UPF2: variants seen among roughly 807,000 people sequenced by gnomAD.
The protein encoded by UPF2 is regulator of nonsense transcripts 2.
UPF2 carries 17 observed loss-of-function variants against 141.4 expected under a neutral mutation model. The ratio of observed to expected loss-of-function variants is 0.12; its 90% CI spans 0.08 to 0.18. UPF2 has a LOEUF of 0.18. UPF2 is among the 10% of genes least tolerant of loss of function. The pLI, the probability that UPF2 is intolerant of heterozygous loss-of-function variation, is 1.00. For missense variants in UPF2, 1,152 were observed against 1,515.9 expected, an observed-to-expected ratio of 0.76 and a Z score of 3.99; for synonymous variants, 540 against 498.0, an observed-to-expected ratio of 1.08 and a Z score of -1.12.
At chr10:11,988,980 C>T (rs1175956303) in intron 8 of UPF2, among the ~76,000 whole-genome samples, 1 of 152,142 alleles carries the variant, frequency 6.6e-6, no homozygotes, top group Non-Finnish European at 1.5e-5. Flanking sequence ...GGGATCAAGC[C>T]GTCCCCCTCA....
At chr10:11,961,830 T>C (rs1051514324) in intron 11 of UPF2, among the ~76,000 whole-genome samples, 7 of 152,212 alleles carry the variant, frequency 4.6e-5, no homozygotes, top group African/African-American at 1.2e-4. Flanking sequence ...GAAATCATCA[T>C]ATACTAGGAG....
intron 21 of UPF2, among the ~76,000 whole-genome samples, chr10:11,929,509 T>C (rs1427275270): frequency 6.6e-6 from 1 of 152,070 alleles, no homozygotes; most frequent in Non-Finnish European, 1.5e-5. Context: ...TGGTGGTGCA[T>C]GCCTATAGTC....
chr10:11,977,477 C>G (rs1459073792), intron 9 of UPF2, among the ~76,000 whole-genome samples: 1 of 152,100 alleles, frequency 6.6e-6, no homozygotes, highest in African/African-American at 2.4e-5. Context: ...CCAACTCTCA[C>G]CCCCATTTTC....
chr10:11,983,160 A>G (rs1234332257), intron 8 of UPF2, among the ~76,000 whole-genome samples: 1 of 152,204 alleles, frequency 6.6e-6, no homozygotes, highest in Non-Finnish European at 1.5e-5. Flanking sequence ...AGTCTAAGAC[A>G]TTCTTCCCCA....
rs771139446 is a variant in UPF2 at position 11,929,923 on chromosome 10, G to A, written c.3751C>T (p.Arg1251Cys). The change falls in exon 21 of 22, where the codon CGC becomes TGC. Residue 1251 changes from arginine (R) to cysteine (C), a missense_variant. Physicochemically the swap from Arg to Cys is radical, Grantham distance 180. Around this residue, in one of 4 missense-constraint regions of UPF2, gnomAD observed 66 missense variants for 123.5 expected, o/e 0.53. Coordinates refer to ENST00000357604, the MANE Select transcript of UPF2 (RefSeq NM_015542.4). ...GGTGCTCCCTTCGGATGTTGGTAGC[G>A]AGGCCGCCTCTCACGATTGGTGTTT... is the stretch of plus-strand genomic sequence containing the variant. ...PANTNRERRP[R>C]YQHPKGAPNA... 76 of 1,614,200 alleles carry A rather than the reference G, an allele frequency of 4.7e-5. No homozygotes were observed. The highest frequency in any genetic ancestry group is 6.4e-5 in the Non-Finnish European group (75 of 1,180,040).
chr10:12,040,251 A>G (rs10906054), intron 1 of UPF2, among the ~76,000 whole-genome samples: 57,613 of 151,754 alleles, frequency 0.38, 13,122 homozygotes, highest in Non-Finnish European at 0.5. Flanking sequence ...GTGAAACCCC[A>G]TCTCTACTAA....
intron 2 of UPF2, among the ~76,000 whole-genome samples, chr10:12,033,997 A>G (rs541778922): frequency 1.5e-4 from 23 of 152,386 alleles, no homozygotes; most frequent in African/African-American, 5.5e-4. Context: ...AGATTTAAAT[A>G]AAGATAAGAA....
rs1833795216 is a variant in UPF2 at position 11,992,457 on chromosome 10, T to G, written c.1844+5215A>C. 6.6e-6 allele frequency among the ~76,000 whole-genome samples: 1 copy of G among 152,192 alleles called. No homozygotes were observed. Reference sequence around the variant, plus strand: ...AGACACCACAAACTAATCTTACCACTGCTCATGGTAGAAAACAACAGAGAC... The same window carrying G: ...AGACACCACAAACTAATCTTACCACGGCTCATGGTAGAAAACAACAGAGAC... On this transcript the variant is annotated intron_variant, in intron 8 of 21. Coordinates refer to ENST00000357604, the MANE Select transcript of UPF2 (RefSeq NM_015542.4). This position sits in a 1 kb window ranked among gnomAD's most constrained non-coding sequence, Gnocchi z 4.1.
intron 8 of UPF2, among the ~76,000 whole-genome samples, chr10:11,994,975 C>CAAAAAAAAAAAAAAAAAAAAAA (rs60922532): frequency 5.8e-5 from 3 of 51,360 alleles, no homozygotes; most frequent in Non-Finnish European, 9.0e-5. Context: ...GACTCCATCT[C>CAAAAAAAAAAAAAAAAAAAAAA]AAAAAAAAAA....
In UPF2 at chr10:12,016,656, T is replaced by C. The variant is rs553845423; in HGVS notation, c.1146-2472A>G. ...TTGCAGTGAGCCAAGATTGCACCAC[T>C]GTACTCCAGCCTGGGCGACAGAGCA... On this transcript the variant is annotated intron_variant, in intron 3 of 21. Transcript: ENST00000357604. This position sits in a 1 kb window ranked among gnomAD's most constrained non-coding sequence, Gnocchi z 4.1. Among the ~76,000 whole-genome samples the C allele has an allele frequency of 1.3e-4, 19 of 150,938 alleles. No individual in the cohort carries two copies. In the East Asian group the frequency reaches 3.1e-3, roughly 25 times the overall value.
chr10:11,943,642 G>C (rs1339282295), intron 16 of UPF2, among the ~76,000 whole-genome samples: 2 of 152,118 alleles, frequency 1.3e-5, no homozygotes, highest in Non-Finnish European at 1.5e-5. Context: ...ACTTCATTTT[G>C]TTTGCTCTAC....
At position 12,005,108 on chromosome 10, in the gene UPF2, A is replaced by AT. The variant is rs5783240; in HGVS notation, c.1307-382dup. 8.2e-4 allele frequency among the ~76,000 whole-genome samples: 120 copies of AT among 145,504 alleles called. No homozygotes were observed. The Middle Eastern group carries it at 0.01, about 13-fold the overall frequency. On this transcript the variant is annotated intron_variant, in intron 4 of 21. Transcript: ENST00000357604. ...TTAAAGTCCCACCTCCCCCATGAGT[A>AT]TTTTTTTTTTTTTTGGCAACTCATA...
At chr10:11,942,385 A>G (rs541705171) in intron 18 of UPF2, among the ~76,000 whole-genome samples, 3 of 152,288 alleles carry the variant, frequency 2.0e-5, no homozygotes, top group African/African-American at 7.2e-5. Flanking sequence ...GAAAAAAAAA[A>G]GAAATATGAC....
intron 1 of UPF2, among the ~76,000 whole-genome samples, chr10:12,040,769 A>G (rs969370694): frequency 6.6e-6 from 1 of 152,240 alleles, no homozygotes; most frequent in African/African-American, 2.4e-5. Flanking sequence ...TTATTTATCA[A>G]TAAGATGGAT....
chr10:12,029,857 G>A (rs1834485419), intron 2 of UPF2, among the ~76,000 whole-genome samples: 1 of 151,524 alleles, frequency 6.6e-6, no homozygotes, highest in African/African-American at 2.4e-5. Flanking sequence ...AGCTATTCAG[G>A]AGGCTGAGGC....
chr10:12,011,534 G>A (rs1265646176), intron 4 of UPF2, among the ~76,000 whole-genome samples: 1 of 152,204 alleles, frequency 6.6e-6, no homozygotes, highest in East Asian at 1.9e-4. Flanking sequence ...CTGGGATGCA[G>A]AGGTTGCAGT....
rs769576679 is a variant in UPF2 at position 11,956,340 on chromosome 10, C to CAGAA, written c.2553_2554insTTCT (p.Asp852PhefsTer2). ...TTTACCTCCATTCCTAATCGAATATCTTCTAACACTCCATCCACAACGTGG... is the reference window on the plus strand; with the variant it reads ...TTTACCTCCATTCCTAATCGAATATCAGAATTCTAACACTCCATCCACAACGTGG... On this transcript the variant is annotated frameshift_variant, in exon 13 of 22. Transcript: ENST00000357604. LOFTEE classifies it high-confidence loss of function. The surrounding 1 kb of genome is among the most constrained non-coding windows in gnomAD (Gnocchi z 4.2). 1 of 1,614,090 alleles carries CAGAA rather than the reference C, an allele frequency of 6.2e-7. No individual in the cohort carries two copies. The highest frequency in any genetic ancestry group is 1.1e-5 in the South Asian group (1 of 91,080).
chr10:11,969,513 T>C (rs1186189976), intron 9 of UPF2, among the ~76,000 whole-genome samples: 1 of 152,120 alleles, frequency 6.6e-6, no homozygotes, highest in Non-Finnish European at 1.5e-5. Context: ...CAAAATAGTT[T>C]TGCAATTAGC....
chr10:11,986,311 GT>G (rs916732062), intron 8 of UPF2, among the ~76,000 whole-genome samples: 21 of 152,096 alleles, frequency 1.4e-4, no homozygotes, highest in African/African-American at 5.1e-4. Flanking sequence ...TCTTGTTTAT[GT>G]TTTTAAGGTC....
Sources: gnomAD v4.1 joint callset for allele counts (sites outside exome capture counted in the v4.1 genomes callset) on GRCh38, gnomAD v4.1.1 for gene constraint, gnomAD v4.1.1 regional missense constraint, Gnocchi (gnomAD v3.1) non-coding constraint, MANE v1.5 for transcripts, NCBI Gene and HGNC (gene_info 2026-07-23, HGNC 2026-07-21) for gene names.